The following TMEM260 variants were observed in gnomAD, a reference collection of about 807,000 sequenced individuals.
TMEM260 encodes protein O-mannosyl-transferase TMEM260.
TMEM260 carries 82 observed loss-of-function variants against 88.9 expected under a neutral mutation model. The observed-to-expected ratio is 0.92, with a 90% CI of 0.77 to 1.11. The LOEUF is 1.11. Among genes scored for constraint, TMEM260 ranks in the 50% least tolerant of loss-of-function variants. TMEM260 has a pLI of 0.00. For missense variants in TMEM260, 902 were observed against 853.4 expected (o/e 1.06, Z -0.71); for synonymous variants, 314 against 309.3 (o/e 1.02, Z -0.16).
At chr14:56,624,009 A>G (rs1309963283) in intron 11 of TMEM260, among the ~76,000 whole-genome samples, 5 of 152,210 alleles carry the variant, frequency 3.3e-5, no homozygotes, top group African/African-American at 9.6e-5. Context: ...TTTTTCTAAT[A>G]TAAGTAAATT....
intron 11 of TMEM260, among the ~76,000 whole-genome samples, chr14:56,625,036 T>C (rs1888158590): frequency 1.3e-5 from 2 of 152,182 alleles, no homozygotes; most frequent in African/African-American, 4.8e-5. Context: ...GCCACTGATC[T>C]GACAGGAGGC....
chr14:56,583,648 G>A (rs1209624123), intron 1 of TMEM260, among the ~76,000 whole-genome samples: 1 of 152,154 alleles, frequency 6.6e-6, no homozygotes, highest in Non-Finnish European at 1.5e-5. Context: ...GGAGGAAGAA[G>A]TGATTAATTC....
intron 4 of TMEM260, among the ~76,000 whole-genome samples, chr14:56,604,210 G>T (rs1886754010): frequency 6.6e-6 from 1 of 151,982 alleles, no homozygotes; most frequent in South Asian, 2.1e-4. Flanking sequence ...GAGTTCAAAA[G>T]TTTTTTGGAG....
At chr14:56,642,721 G>T (rs1230510454) in intron 15 of TMEM260, among the ~76,000 whole-genome samples, 1 of 152,200 alleles carries the variant, frequency 6.6e-6, no homozygotes, top group Non-Finnish European at 1.5e-5. Context: ...GAATCCAGGA[G>T]CTGGTTTTTT....
At position 56,606,348 on chromosome 14, in the gene TMEM260, ATTGT is replaced by A. The variant is rs576405799; in HGVS notation, c.636+674_636+677del. 4.5e-4 allele frequency among the ~76,000 whole-genome samples: 69 copies of A among 152,244 alleles called. No individual in the cohort carries two copies. The South Asian group carries it at 0.013, about 29-fold the overall frequency. On this transcript the variant is annotated intron_variant, in intron 5 of 15. Transcript: ENST00000261556. ...GCCAGCACTAGAGTCGTTTTACCTT[ATTGT>A]TTGTTTGTGTACAAACTCAGCTTTA...
the TMEM260 span, among the ~76,000 whole-genome samples, chr14:56,657,481 G>C: frequency 6.6e-6 from 1 of 151,748 alleles, no homozygotes; most frequent in Non-Finnish European, 1.5e-5. Context: ...AACATTTTTT[G>C]AGCTTCTATA....
At chr14:56,630,150 T>C (rs1888495003) in intron 12 of TMEM260, among the ~76,000 whole-genome samples, 2 of 152,220 alleles carry the variant, frequency 1.3e-5, no homozygotes, top group South Asian at 4.1e-4. Flanking sequence ...GTGAAATCTA[T>C]TGTTTTTCTC....
At chr14:56,644,757 A>G (rs1447987723) in intron 15 of TMEM260, among the ~76,000 whole-genome samples, 1 of 152,186 alleles carries the variant, frequency 6.6e-6, no homozygotes, top group African/African-American at 2.4e-5. Flanking sequence ...TACTCGACAA[A>G]GGGCTAATAT....
the TMEM260 span, among the ~76,000 whole-genome samples, chr14:56,661,883 G>T: frequency 6.6e-6 from 1 of 152,222 alleles, no homozygotes; most frequent in African/African-American, 2.4e-5. Context: ...CCTTACTCCT[G>T]TGAGAAGGGG....
chr14:56,659,973 C>A, the TMEM260 span, among the ~76,000 whole-genome samples: 3 of 151,774 alleles, frequency 2.0e-5, no homozygotes, highest in African/African-American at 7.3e-5. Context: ...AAAAAAAAAA[C>A]CCAAAATATT....
chr14:56,607,700 A>T (rs1034906658), intron 5 of TMEM260, among the ~76,000 whole-genome samples: 2 of 151,970 alleles, frequency 1.3e-5, no homozygotes, highest in African/African-American at 2.4e-5. Context: ...ATACATAGGG[A>T]CGTGTGTGTG....
chr14:56,615,795 C>G, intron 7 of TMEM260, 149 bp from the exon 8 acceptor site: 1 of 596,054 alleles, frequency 1.7e-6, no homozygotes, highest in Admixed American at 2.9e-5. Context: ...TGCACTTTTT[C>G]TTCCAACTTT....
At chr14:56,643,144 T>G (rs932024919) in intron 15 of TMEM260, among the ~76,000 whole-genome samples, 10 of 152,104 alleles carry the variant, frequency 6.6e-5, no homozygotes. Flanking sequence ...AAAGAGGGAA[T>G]CCTCCCTAAC....
intron 15 of TMEM260, among the ~76,000 whole-genome samples, chr14:56,638,995 A>T (rs1566575537): frequency 6.6e-6 from 1 of 152,196 alleles, no homozygotes; most frequent in Non-Finnish European, 1.5e-5. Flanking sequence ...ATAAGTTGAT[A>T]ATGTGTCAGT....
At chr14:56,650,981 GGTTA>G (rs547804485), downstream of TMEM260, among the ~76,000 whole-genome samples, 184 of 152,102 alleles carry the variant, frequency 1.2e-3, no homozygotes, top group Non-Finnish European at 2.3e-3. Context: ...CAAGTCTTAT[GGTTA>G]GTTAAAGAAA....
intron 2 of TMEM260, among the ~76,000 whole-genome samples, chr14:56,585,507 A>G (rs1885434460): frequency 6.6e-6 from 1 of 152,112 alleles, no homozygotes; most frequent in Non-Finnish European, 1.5e-5. Flanking sequence ...CAAACTGCTT[A>G]AGAACTGACA....
At chr14:56,645,822 A>ACT (rs1889929772) in intron 15 of TMEM260, among the ~76,000 whole-genome samples, 1 of 152,206 alleles carries the variant, frequency 6.6e-6, no homozygotes. Flanking sequence ...AAGAGAAACC[A>ACT]CTGGAGAAAA....
chr14:56,594,642 T>C (rs1886095754), intron 3 of TMEM260, among the ~76,000 whole-genome samples: 1 of 152,238 alleles, frequency 6.6e-6, no homozygotes, highest in Non-Finnish European at 1.5e-5. Flanking sequence ...TTATTTACAG[T>C]TCATCTGCAC....
intron 15 of TMEM260, among the ~76,000 whole-genome samples, chr14:56,644,665 A>G (rs1212929860): frequency 1.3e-5 from 2 of 152,216 alleles, no homozygotes; most frequent in African/African-American, 4.8e-5. Flanking sequence ...ATCTAATTAA[A>G]CTTAAGAGCT....
Sources: allele counts gnomAD v4.1 joint callset (sites outside exome capture counted in the v4.1 genomes callset), GRCh38; gene constraint gnomAD v4.1.1; transcripts MANE v1.5; gene names NCBI Gene and HGNC (gene_info 2026-07-23, HGNC 2026-07-21).